The following RAD51B variants were observed in gnomAD, a reference collection of about 807,000 sequenced individuals.
The protein encoded by RAD51B is DNA repair protein RAD51 homolog 2.
In RAD51B, 38 loss-of-function variants were observed where a neutral mutation model predicts 42.2. The observed-to-expected ratio is 0.90, with a 90% CI of 0.70 to 1.18. The LOEUF (loss-of-function observed/expected upper bound fraction) is 1.18, where lower values mean the gene tolerates loss of function less well. Among genes scored for constraint, RAD51B ranks in the 50% most tolerant of loss-of-function variants. The pLI, the probability that RAD51B is intolerant of heterozygous loss-of-function variation, is 0.00. For missense variants in RAD51B, 373 were observed against 400.7 expected, an observed-to-expected ratio of 0.93 and a Z score of 0.59; for synonymous variants, 154 against 145.2, an observed-to-expected ratio of 1.06 and a Z score of -0.43.
intron 8 of RAD51B, among the ~76,000 whole-genome samples, chr14:68,351,740 A>G (rs966890614): frequency 1.3e-5 from 2 of 152,240 alleles, no homozygotes; most frequent in African/African-American, 4.8e-5. Flanking sequence ...GACCACAGTC[A>G]GGGAGCAGAA....
At chr14:68,612,561 A>G (rs1383716227), downstream of RAD51B, among the ~76,000 whole-genome samples, 1 of 152,216 alleles carries the variant, frequency 6.6e-6, no homozygotes, top group Non-Finnish European at 1.5e-5. Flanking sequence ...TACCTAGAGG[A>G]GTCAAATTCA....
At chr14:67,935,500 G>A (rs2044907003) in intron 7 of RAD51B, among the ~76,000 whole-genome samples, 1 of 152,104 alleles carries the variant, frequency 6.6e-6, no homozygotes, top group Non-Finnish European at 1.5e-5. Flanking sequence ...ATGTAGCTAG[G>A]ACTACAGGCA....
At chr14:67,939,978 A>G (rs1326704780) in intron 7 of RAD51B, among the ~76,000 whole-genome samples, 1 of 137,636 alleles carries the variant, frequency 7.3e-6, no homozygotes, top group Non-Finnish European at 1.5e-5. Context: ...TATATATATA[A>G]AAAAATAAAA....
intron 7 of RAD51B, among the ~76,000 whole-genome samples, chr14:68,160,095 C>T (rs923806056): frequency 4.3e-5 from 2 of 46,250 alleles, no homozygotes; most frequent in African/African-American, 6.8e-5. Context: ...CACTGACAGA[C>T]TTCATGGTTA....
At chr14:68,226,397 G>C (rs1269558894) in intron 7 of RAD51B, among the ~76,000 whole-genome samples, 1 of 152,190 alleles carries the variant, frequency 6.6e-6, no homozygotes, top group African/African-American at 2.4e-5. Context: ...TAGTTTGATT[G>C]TGTCCCCACC....
At chr14:67,927,431 G>T (rs1431678344) in intron 7 of RAD51B, among the ~76,000 whole-genome samples, 3 of 151,992 alleles carry the variant, frequency 2.0e-5, no homozygotes, top group African/African-American at 4.8e-5. Context: ...ATTAGATCTT[G>T]TTTCTTCTAT....
At chr14:68,176,048 T>C (rs1274841926) in intron 7 of RAD51B, among the ~76,000 whole-genome samples, 1 of 152,200 alleles carries the variant, frequency 6.6e-6, no homozygotes, top group Non-Finnish European at 1.5e-5. Flanking sequence ...AGACATGTGC[T>C]ATAATAGGCA....
intron 5 of RAD51B, among the ~76,000 whole-genome samples, chr14:67,866,760 T>C (rs1411490095): frequency 6.6e-6 from 1 of 152,228 alleles, no homozygotes; most frequent in Non-Finnish European, 1.5e-5. Flanking sequence ...TTATGTTTTT[T>C]GTCTTTGCAT....
chr14:68,100,610 A>G (rs1329579787), intron 7 of RAD51B, among the ~76,000 whole-genome samples: 5 of 152,074 alleles, frequency 3.3e-5, no homozygotes, highest in Non-Finnish European at 7.4e-5. Flanking sequence ...CTGTTCTCTC[A>G]TCCTTCCATT....
intron 7 of RAD51B, among the ~76,000 whole-genome samples, chr14:67,925,663 C>T (rs191404282): frequency 5.5e-4 from 84 of 152,292 alleles, no homozygotes; most frequent in Non-Finnish European, 1.1e-3. Flanking sequence ...TATGGGGGCT[C>T]TGACTCCACA....
At chr14:68,381,904 G>C (rs1017308966) in intron 8 of RAD51B, among the ~76,000 whole-genome samples, 2 of 152,240 alleles carry the variant, frequency 1.3e-5, no homozygotes, top group East Asian at 3.9e-4. Context: ...ATGGAACCCT[G>C]TCCACAGTTT....
intron 7 of RAD51B, among the ~76,000 whole-genome samples, chr14:67,929,392 A>G (rs1440068957): frequency 1.3e-5 from 2 of 152,066 alleles, no homozygotes; most frequent in Non-Finnish European, 2.9e-5. Flanking sequence ...ATGTATTTGT[A>G]TAGTTTTCAG....
intron 10 of RAD51B, among the ~76,000 whole-genome samples, chr14:68,550,542 C>A (rs566720968): frequency 6.6e-6 from 1 of 152,270 alleles, no homozygotes; most frequent in African/African-American, 2.4e-5. Context: ...AATAGATGCG[C>A]CTCTTGTGTA....
intron 7 of RAD51B, among the ~76,000 whole-genome samples, chr14:67,907,974 G>A (rs927565679): frequency 1.3e-5 from 2 of 152,086 alleles, no homozygotes; most frequent in African/African-American, 2.4e-5. Context: ...TAAATCAACC[G>A]CTAAGGATTT....
chr14:68,077,308 C>A (rs1418365745), intron 7 of RAD51B, among the ~76,000 whole-genome samples: 1 of 152,178 alleles, frequency 6.6e-6, no homozygotes, highest in Non-Finnish European at 1.5e-5. Flanking sequence ...AGGCACCATG[C>A]TGGATGATTG....
intron 7 of RAD51B, among the ~76,000 whole-genome samples, chr14:67,889,013 T>C (rs961161286): frequency 5.9e-5 from 9 of 152,316 alleles, no homozygotes; most frequent in African/African-American, 2.2e-4. Context: ...CTTTTCAGTT[T>C]TTCCTAAGGT....
At chr14:68,299,362 G>A (rs1401832686) in intron 8 of RAD51B, among the ~76,000 whole-genome samples, 1 of 152,060 alleles carries the variant, frequency 6.6e-6, no homozygotes, top group Non-Finnish European at 1.5e-5. Context: ...AATAGTAGGG[G>A]AAAAATGGAT....
chr14:68,362,003 G>A (rs922287014), intron 8 of RAD51B, among the ~76,000 whole-genome samples: 1 of 152,136 alleles, frequency 6.6e-6, no homozygotes, highest in Non-Finnish European at 1.5e-5. Flanking sequence ...TCGCCCCAAA[G>A]AAATTAGGCT....
intron 9 of RAD51B, among the ~76,000 whole-genome samples, chr14:68,419,397 G>GAGATATAAGA: frequency 6.6e-6 from 1 of 150,554 alleles, no homozygotes; most frequent in Admixed American, 6.6e-5. Flanking sequence ...GACTTTCAGT[G>GAGATATAAGA]GTTTATAAAG....
Sources: allele counts gnomAD v4.1 joint callset (sites outside exome capture counted in the v4.1 genomes callset), GRCh38; gene constraint gnomAD v4.1.1; transcripts MANE v1.5; gene names NCBI Gene and HGNC (gene_info 2026-07-23, HGNC 2026-07-21).